ARID5B: variants seen among roughly 807,000 people sequenced by gnomAD.
ARID5B encodes AT-rich interaction domain 5B.
Under a neutral mutation model 97.2 loss-of-function variants are expected in ARID5B, and 13 were observed. That is an observed-to-expected ratio of 0.13 (90% CI 0.09 to 0.21). The LOEUF is 0.21. Among genes scored for constraint, ARID5B ranks in the 10% least tolerant of loss-of-function variants. The pLI is 1.00. For missense variants in ARID5B, 1,210 were observed against 1,465.3 expected, an observed-to-expected ratio of 0.83 and a Z score of 2.84; for synonymous variants, 556 against 570.3, an observed-to-expected ratio of 0.97 and a Z score of 0.36.
chr10:62,086,701 A>AC (rs1840287421), intron 9 of ARID5B, among the ~76,000 whole-genome samples: 1 of 102,102 alleles, frequency 9.8e-6, no homozygotes, highest in Non-Finnish European at 2.0e-5. Context: ...AAAAAAAAAA[A>AC]AAAAAAAAAA....
intron 3 of ARID5B, among the ~76,000 whole-genome samples, chr10:61,985,671 C>A (rs1333333389): frequency 2.0e-5 from 3 of 151,936 alleles, no homozygotes; most frequent in Non-Finnish European, 4.4e-5. Flanking sequence ...TATATGTAAT[C>A]GTATCATTTT....
chr10:61,922,034 G>A (rs1457254042), intron 2 of ARID5B, among the ~76,000 whole-genome samples: 1 of 152,008 alleles, frequency 6.6e-6, no homozygotes, highest in Non-Finnish European at 1.5e-5. Flanking sequence ...TCCTTGGATG[G>A]TTCCTCCCAA....
chr10:62,040,940 C>G (rs1367416495), intron 4 of ARID5B, among the ~76,000 whole-genome samples: 1 of 152,076 alleles, frequency 6.6e-6, no homozygotes, highest in East Asian at 1.9e-4. Flanking sequence ...GAAGCTGTAA[C>G]CTCTTCTGGG....
At chr10:62,051,170 C>T (rs1447498592) in intron 5 of ARID5B, 170 bp downstream of exon 5, 2 of 700,760 alleles carry the variant, frequency 2.9e-6, no homozygotes, top group Non-Finnish European at 5.1e-6. Context: ...ACCTCCCTTC[C>T]CCTGGTTGCC....
chr10:62,048,944 C>T (rs75516707), intron 4 of ARID5B, among the ~76,000 whole-genome samples: 4,402 of 152,292 alleles, frequency 0.029, 182 homozygotes, highest in African/African-American at 0.094. Context: ...CAGCTTTCTG[C>T]TCAGCTGTTA....
intron 4 of ARID5B, among the ~76,000 whole-genome samples, chr10:62,034,428 C>G (rs1487269981): frequency 6.6e-6 from 1 of 152,212 alleles, no homozygotes; most frequent in Non-Finnish European, 1.5e-5. Flanking sequence ...TACATCCCCT[C>G]TGTGCTAAAA....
intron 3 of ARID5B, among the ~76,000 whole-genome samples, chr10:61,981,260 C>T (rs927338140): frequency 3.9e-5 from 6 of 152,042 alleles, no homozygotes; most frequent in Non-Finnish European, 8.8e-5. Flanking sequence ...ACTGAACACT[C>T]TTGGTGGGTA....
chr10:62,086,544 A>G (rs1840282891), intron 9 of ARID5B, among the ~76,000 whole-genome samples: 1 of 151,970 alleles, frequency 6.6e-6, no homozygotes, highest in African/African-American at 2.4e-5. Context: ...TACTAAAAAT[A>G]CAAAAAATTA....
rs1056449042 is a variant in ARID5B at position 62,095,032 on chromosome 10, C to T, written c.*2002C>T. The T allele has an allele frequency of 4.4e-6, 1 of 229,876 alleles. No individual in the cohort carries two copies. The highest frequency in any genetic ancestry group is 8.6e-6 in the Non-Finnish European group (1 of 115,874). The allele number at this position is 229,876 out of a possible 1,614,324, so 14.2% of individuals were successfully genotyped here. ...CATACTTAATATCCAAAGGTGGAAA[C>T]AAAAGAATGTAGAGATCCAGTGTTA... is the stretch of plus-strand genomic sequence containing the variant. On this transcript the variant is annotated 3_prime_UTR_variant, in exon 10 of 10. Coordinates refer to ENST00000279873, the MANE Select transcript of ARID5B (RefSeq NM_032199.3).
chr10:62,048,162 G>A (rs772270152), intron 4 of ARID5B, among the ~76,000 whole-genome samples: 20 of 152,206 alleles, frequency 1.3e-4, no homozygotes, highest in Non-Finnish European at 2.8e-4. Flanking sequence ...TGAGGTTGGC[G>A]GGACCAGTCT....
At chr10:61,981,618 T>G (rs900811200) in intron 3 of ARID5B, among the ~76,000 whole-genome samples, 1 of 152,190 alleles carries the variant, frequency 6.6e-6, no homozygotes, top group East Asian at 1.9e-4. Context: ...TAGTTTGGCA[T>G]TAAATGTCAT....
Position 61,940,231 on chromosome 10 carries a change from C to T in ARID5B, c.325C>T (p.Leu109=). ...SEKVIVKLED[L]VKWVHSDFSK... ...AAAGGTGATTGTGAAGCTTGAAGAC[C>T]TGGTCAAGTGGGTACATTCTGATTT... The change falls in exon 3 of 10, where the codon CTG becomes TTG. Residue 109 remains leucine (L), a synonymous_variant. Coordinates refer to ENST00000279873, the MANE Select transcript of ARID5B (RefSeq NM_032199.3). 2 of 1,614,164 alleles carry T rather than the reference C, an allele frequency of 1.2e-6. No individual in the cohort carries two copies. Among genetic ancestry groups the T allele is most frequent in the Non-Finnish European group, 1.7e-6 (2 of 1,180,024 alleles).
At chr10:62,001,777 G>C (rs1589253596) in intron 4 of ARID5B, among the ~76,000 whole-genome samples, 1 of 152,174 alleles carries the variant, frequency 6.6e-6, no homozygotes, top group East Asian at 1.9e-4. Context: ...CACAACTCTG[G>C]CTTATCAAAT....
intron 4 of ARID5B, among the ~76,000 whole-genome samples, chr10:62,004,248 A>G (rs1441739761): frequency 6.6e-6 from 1 of 152,238 alleles, no homozygotes; most frequent in African/African-American, 2.4e-5. Context: ...AACCTATGAC[A>G]TAAGCATAAA....
intron 3 of ARID5B, among the ~76,000 whole-genome samples, chr10:61,965,940 T>C (rs976618033): frequency 2.0e-5 from 3 of 152,230 alleles, no homozygotes; most frequent in Admixed American, 6.5e-5. Context: ...TAGACATCAC[T>C]TTCATTTTTC....
At chr10:61,944,173 C>G (rs1020237499) in intron 3 of ARID5B, among the ~76,000 whole-genome samples, 1 of 151,330 alleles carries the variant, frequency 6.6e-6, no homozygotes, top group African/African-American at 2.4e-5. Context: ...CTGTTTCATA[C>G]TGAAGTTTAT....
At chr10:61,915,387 G>C (rs1032830381) in intron 2 of ARID5B, among the ~76,000 whole-genome samples, 1 of 152,200 alleles carries the variant, frequency 6.6e-6, no homozygotes, top group Non-Finnish European at 1.5e-5. Flanking sequence ...GCCTATGTCA[G>C]GGGTACATGA....
intron 4 of ARID5B, among the ~76,000 whole-genome samples, chr10:62,035,530 GC>G (rs1433629814): frequency 6.6e-6 from 1 of 152,158 alleles, no homozygotes; most frequent in African/African-American, 2.4e-5. Context: ...CTCACTCATT[GC>G]CCAGGCTGGA....
chr10:61,917,665 G>A (rs1843934609), intron 2 of ARID5B, among the ~76,000 whole-genome samples: 1 of 152,168 alleles, frequency 6.6e-6, no homozygotes, highest in South Asian at 2.1e-4. Context: ...CAAAGCTTTG[G>A]ACTATTACAG....
Sources: allele counts gnomAD v4.1 joint callset (sites outside exome capture counted in the v4.1 genomes callset), GRCh38; gene constraint gnomAD v4.1.1; transcripts MANE v1.5; gene names NCBI Gene and HGNC (gene_info 2026-07-23, HGNC 2026-07-21).